The following PEAK1 variants were observed in gnomAD, a reference collection of about 807,000 sequenced individuals.
PEAK1 encodes the protein pseudopodium enriched atypical kinase 1.
Under a neutral mutation model 124.7 loss-of-function variants are expected in PEAK1, and 54 were observed. The observed-to-expected ratio is 0.43, with a 90% CI of 0.35 to 0.54. The LOEUF (loss-of-function observed/expected upper bound fraction) is 0.54, where lower values mean the gene tolerates loss of function less well. Ranked by LOEUF, PEAK1 falls within the 20% of genes least tolerant of loss-of-function variation. The pLI is 0.01. For missense variants in PEAK1, 2,046 were observed against 2,134.5 expected, an observed-to-expected ratio of 0.96 and a Z score of 0.82; for synonymous variants, 719 against 760.0, an observed-to-expected ratio of 0.95 and a Z score of 0.89.
rs150136061 is a variant in PEAK1 at position 77,317,938 on chromosome 15, A to C, written c.-602-31434T>G. Among the ~76,000 whole-genome samples the C allele has an allele frequency of 5.3e-5, 8 of 152,342 alleles. No homozygotes were observed. In the East Asian group the frequency reaches 1.5e-3, roughly 29 times the overall value. ...AAGCCATTCTCAAAGGCTATATACA[A>C]ATACTGTATGATTCCATTTATATAG... On this transcript the variant is annotated intron_variant, in intron 2 of 9. Coordinates refer to ENST00000682557, the MANE Select transcript of PEAK1 (RefSeq NM_001385026.1).
intron 5 of PEAK1, among the ~76,000 whole-genome samples, chr15:77,276,380 T>C (rs1353433278): frequency 6.6e-6 from 1 of 152,132 alleles, no homozygotes; most frequent in Non-Finnish European, 1.5e-5. Flanking sequence ...GGAAAAACAG[T>C]TTAATGACAG....
At chr15:77,245,669 A>C (rs1460324575) in intron 6 of PEAK1, among the ~76,000 whole-genome samples, 1 of 152,138 alleles carries the variant, frequency 6.6e-6, no homozygotes, top group Non-Finnish European at 1.5e-5. Context: ...ACTGCACTCC[A>C]GCCTGGCCTG....
At chr15:77,377,761 T>A (rs1441397242) in intron 1 of PEAK1, among the ~76,000 whole-genome samples, 1 of 152,150 alleles carries the variant, frequency 6.6e-6, no homozygotes, top group Non-Finnish European at 1.5e-5. Flanking sequence ...TGAGCCACCA[T>A]GCCAGGCCAA....
intron 2 of PEAK1, among the ~76,000 whole-genome samples, chr15:77,289,084 AC>A (rs2063080480): frequency 6.6e-6 from 1 of 152,222 alleles, no homozygotes; most frequent in African/African-American, 2.4e-5. Context: ...AGCCTTAGAT[AC>A]TATAACCAAT....
At chr15:77,352,235 C>T (rs993550985) in intron 2 of PEAK1, 11 of 985,370 alleles carry the variant, frequency 1.1e-5, no homozygotes, top group Non-Finnish European at 1.3e-5. Context: ...TCACTACTAT[C>T]CTTAGATCAA....
intron 1 of PEAK1, among the ~76,000 whole-genome samples, chr15:77,382,884 G>A (rs1378611203): frequency 2.6e-5 from 4 of 151,962 alleles, no homozygotes; most frequent in Admixed American, 2.6e-4. Flanking sequence ...GAACTTTTAT[G>A]AATATTCAGA....
At chr15:77,224,144 T>C (rs1418457350) in intron 6 of PEAK1, among the ~76,000 whole-genome samples, 1 of 151,786 alleles carries the variant, frequency 6.6e-6, no homozygotes, top group Non-Finnish European at 1.5e-5. Context: ...TTTTTTTTTT[T>C]CTACTTTAAG....
chr15:77,352,400 T>G (rs2067262223), intron 2 of PEAK1: 1 of 985,232 alleles, frequency 1.0e-6, no homozygotes, highest in Non-Finnish European at 1.2e-6. Context: ...TGAGTCCACT[T>G]CCAAGACAGG....
Position 77,181,779 on chromosome 15 carries a change from T to C in PEAK1, c.148A>G (p.Ser50Gly), listed in dbSNP as rs1046310084. 2 of 1,614,136 alleles carry C rather than the reference T, an allele frequency of 1.2e-6. No homozygotes were observed. Among genetic ancestry groups the C allele is most frequent in the Non-Finnish European group, 8.5e-7 (1 of 1,179,994 alleles). The stretch of plus-strand genomic sequence containing the variant: ...GTGTTCCTGATGCGGTGGTTGTTAC[T>C]GTGATTGGCATTAGTTTTCACATTG... ...HGNVKTNANH[S>G]NNHRIRNTGN... The change falls in exon 7 of 10, where the codon AGT (serine) becomes GGT (glycine). Residue 50 changes from serine to glycine, a missense_variant. Physicochemically the swap from Ser to Gly is moderately conservative, Grantham distance 56 (BLOSUM62 0). Transcript: ENST00000682557.
chr15:77,333,300 T>C, intron 2 of PEAK1: 13 of 967,028 alleles, frequency 1.3e-5, no homozygotes, highest in Non-Finnish European at 1.6e-5. Flanking sequence ...ACTTTTTGTG[T>C]GTTATTATTT....
At chr15:77,257,550 C>T (rs2061218313) in intron 5 of PEAK1, among the ~76,000 whole-genome samples, 1 of 151,424 alleles carries the variant, frequency 6.6e-6, no homozygotes. Context: ...TGTTCATGTC[C>T]TTCGCCCACT....
chr15:77,336,345 C>T (rs550227159), intron 2 of PEAK1: 17 of 985,394 alleles, frequency 1.7e-5, no homozygotes, highest in Middle Eastern at 1.0e-3. Context: ...TATTCTCTCA[C>T]CAAAAAGCTC....
rs1052824522 is a variant in PEAK1, at chr15:77,115,017, C to T, written c.4380G>A (p.Val1460=). 2.5e-6 allele frequency: 4 copies of T among 1,614,134 alleles called. No homozygotes were observed. The highest frequency in any genetic ancestry group is 1.6e-4 in the Middle Eastern group (1 of 6,062). The change falls in exon 10 of 10, where the codon GTG becomes GTA. Residue 1460 remains valine (V), a synonymous_variant. Coordinates refer to ENST00000682557, the MANE Select transcript of PEAK1 (RefSeq NM_001385026.1). ...GACATGGAACCTCCCTGGTGATGAC[C>T]ACAACGTGGCTCCTCTGCTTCTTGC... ...VMSKKQRSHV[V]VITREVPCLT... is the part of the protein sequence containing the mutation.
exon 7 of PEAK1, chr15:77,101,483 G>A (rs554529386): frequency 2.5e-4 from 38 of 152,310 alleles, no homozygotes; most frequent in African/African-American, 8.7e-4. Context: ...CAATATTTGA[G>A]CACTTACTAT....
chr15:77,288,078 T>C (rs532665183), intron 2 of PEAK1, among the ~76,000 whole-genome samples: 78 of 152,218 alleles, frequency 5.1e-4, no homozygotes, highest in African/African-American at 1.8e-3. Context: ...ACATGATTGG[T>C]TTAAAATAAA....
Position 77,180,381 on chromosome 15 carries a change from G to C in PEAK1, c.1546C>G (p.Pro516Ala), listed in dbSNP as rs201248007. The C allele has an allele frequency of 1.2e-6, 2 of 1,614,098 alleles. No homozygotes were observed. The highest frequency in any genetic ancestry group is 2.2e-5 in the South Asian group (2 of 91,074). The change falls in exon 7 of 10, where the codon CCA (proline) becomes GCA (alanine). Residue 516 changes from proline (P) to alanine (A), a missense_variant. Transcript: ENST00000682557. ...TGGAAATGGGCACTTATTTGTCCTG[G>C]TGTCAATGAAGATGATGTAACTGGA... ...NSPVTSSSLTPGQISAHFQKS... is the reference protein window; with the variant it reads ...NSPVTSSSLTAGQISAHFQKS...
chr15:77,194,254 T>C (rs1013679941), intron 6 of PEAK1, among the ~76,000 whole-genome samples: 1 of 152,174 alleles, frequency 6.6e-6, no homozygotes, highest in Non-Finnish European at 1.5e-5. Context: ...GAGTCCTGGA[T>C]TTTCATTGCT....
chr15:77,184,064 A>G (rs1457595130), intron 6 of PEAK1, among the ~76,000 whole-genome samples: 2 of 152,004 alleles, frequency 1.3e-5, no homozygotes, highest in Admixed American at 1.3e-4. Context: ...TCTTGGGCTC[A>G]AGGGACCCAG....
At position 77,192,839 on chromosome 15, in the gene PEAK1, A is replaced by T. The variant is rs140017281; in HGVS notation, c.-114-10799T>A. On this transcript the variant is annotated intron_variant, in intron 6 of 9. Coordinates refer to ENST00000682557, the MANE Select transcript of PEAK1 (RefSeq NM_001385026.1). The stretch of plus-strand genomic sequence containing the variant: ...CGAACGGTCCTTACCTTTTTTTTTA[A>T]ATGAAAAAAAAATTCTTTATATTAT... Among the ~76,000 whole-genome samples the T allele has an allele frequency of 1.8e-4, 28 of 151,434 alleles. 1 individual carries two copies. The East Asian group carries it at 5.4e-3, about 29-fold the overall frequency.
Sources: allele counts gnomAD v4.1 joint callset (sites outside exome capture counted in the v4.1 genomes callset), GRCh38; gene constraint gnomAD v4.1.1; transcripts MANE v1.5; gene names NCBI Gene and HGNC (gene_info 2026-07-23, HGNC 2026-07-21).